Variants in GARIN2 observed in about 807,000 individuals in gnomAD.
GARIN2 encodes the protein golgi associated RAB2 interactor family member 2.
the GARIN2 span, chr14:67,208,265 A>G: frequency 1.2e-6 from 2 of 1,614,078 alleles, no homozygotes; most frequent in Non-Finnish European, 1.7e-6. Flanking sequence ...GAGTGAGTTG[A>G]AAGAATCCTC....
the GARIN2 span, among the ~76,000 whole-genome samples, chr14:67,191,955 G>T: frequency 1.3e-5 from 2 of 152,244 alleles, no homozygotes; most frequent in African/African-American, 4.8e-5. Context: ...TCACCATTCA[G>T]TTGGAACTTG....
At chr14:67,199,935 A>G in the GARIN2 span, 1 of 1,443,444 alleles carries the variant, frequency 6.9e-7, no homozygotes, top group Non-Finnish European at 9.3e-7. Context: ...GACACTCCCA[A>G]GCTCACCCAT....
At chr14:67,227,740 GAATTTT>G in the GARIN2 span, 1 of 152,042 alleles carries the variant, frequency 6.6e-6, no homozygotes, top group African/African-American at 2.4e-5. Flanking sequence ...AGCAGGTATA[GAATTTT>G]AATTTTATTT....
At chr14:67,198,639 T>C in the GARIN2 span, among the ~76,000 whole-genome samples, 1 of 152,204 alleles carries the variant, frequency 6.6e-6, no homozygotes, top group Admixed American at 6.5e-5. Flanking sequence ...GATAACTTCT[T>C]TCTTAGGCGT....
the GARIN2 span, among the ~76,000 whole-genome samples, chr14:67,196,226 T>C: frequency 6.6e-6 from 1 of 151,080 alleles, no homozygotes; most frequent in Admixed American, 6.6e-5. Context: ...TTTCTTTCTT[T>C]TTTTTTTTTG....
the GARIN2 span, among the ~76,000 whole-genome samples, chr14:67,207,849 A>T: frequency 6.6e-6 from 1 of 152,242 alleles, no homozygotes; most frequent in Non-Finnish European, 1.5e-5. Flanking sequence ...AATTAAGACC[A>T]AACTCAGACT....
At chr14:67,198,223 C>A in the GARIN2 span, 2 of 1,613,772 alleles carry the variant, frequency 1.2e-6, no homozygotes, top group Admixed American at 1.7e-5. Context: ...CTCTGCACCC[C>A]ACACTCCCAT....
the GARIN2 span, chr14:67,222,002 A>G: frequency 3.0e-5 from 19 of 626,392 alleles, no homozygotes; most frequent in Middle Eastern, 3.3e-4. Context: ...TCCTCAGGCT[A>G]TCTTTCAAGT....
chr14:67,201,764 G>A, the GARIN2 span: 1 of 310,470 alleles, frequency 3.2e-6, no homozygotes, highest in South Asian at 2.7e-5. Context: ...TATCAATAGT[G>A]TGAGCTACAA....
the GARIN2 span, among the ~76,000 whole-genome samples, chr14:67,207,288 A>G: frequency 2.6e-5 from 4 of 152,158 alleles, no homozygotes; most frequent in East Asian, 1.9e-4. Flanking sequence ...GGAACTTACA[A>G]TCGTGTGGAA....
the GARIN2 span, among the ~76,000 whole-genome samples, chr14:67,202,176 C>T: frequency 1.3e-5 from 2 of 152,222 alleles, no homozygotes; most frequent in Admixed American, 6.5e-5. Context: ...CACAGCGGCT[C>T]ACGCCTGTAA....
the GARIN2 span, among the ~76,000 whole-genome samples, chr14:67,217,680 A>C: frequency 6.6e-6 from 1 of 152,208 alleles, no homozygotes; most frequent in South Asian, 2.1e-4. Flanking sequence ...AGGCCAATCT[A>C]GTGATGATGA....
the GARIN2 span, chr14:67,228,302 T>C: frequency 2.6e-6 from 1 of 391,548 alleles, no homozygotes; most frequent in African/African-American, 2.2e-5. Context: ...ATAATTTTGT[T>C]TGTTTCAATC....
At chr14:67,201,663 C>A in the GARIN2 span, 3 of 390,868 alleles carry the variant, frequency 7.7e-6, no homozygotes, top group South Asian at 3.8e-5. Context: ...AGGATTTAAT[C>A]CCTGAGCTGG....
chr14:67,203,254 T>TACA, the GARIN2 span: 1 of 1,605,194 alleles, frequency 6.2e-7, no homozygotes, highest in Non-Finnish European at 8.5e-7. Context: ...TTTAAAAGTC[T>TACA]CCTGACATCT....
the GARIN2 span, chr14:67,205,164 A>C: frequency 7.2e-7 from 1 of 1,388,746 alleles, no homozygotes; most frequent in Non-Finnish European, 9.6e-7. Context: ...CTTCTTGGTT[A>C]GCTGACATTG....
At chr14:67,214,604 C>T in the GARIN2 span, among the ~76,000 whole-genome samples, 2 of 152,100 alleles carry the variant, frequency 1.3e-5, no homozygotes, top group Non-Finnish European at 1.5e-5. Flanking sequence ...TAGCGTGGTG[C>T]CTCCAGCTTT....
chr14:67,226,293 G>T, the GARIN2 span, among the ~76,000 whole-genome samples: 11 of 152,176 alleles, frequency 7.2e-5, no homozygotes, highest in Non-Finnish European at 1.6e-4. Context: ...CTGGGTTCAA[G>T]TGGTTCTCAT....
the GARIN2 span, among the ~76,000 whole-genome samples, chr14:67,219,603 T>C: frequency 6.6e-6 from 1 of 152,186 alleles, no homozygotes; most frequent in Non-Finnish European, 1.5e-5. Flanking sequence ...TTTGTTAGGA[T>C]GAAAAAGGCT....
Sources: gnomAD v4.1 joint callset for allele counts (sites outside exome capture counted in the v4.1 genomes callset) on GRCh38, gnomAD v4.1.1 for gene constraint, MANE v1.5 for transcripts, NCBI Gene and HGNC (gene_info 2026-07-23, HGNC 2026-07-21) for gene names.